The following UGT1A7 variants were observed in gnomAD, a reference collection of about 807,000 sequenced individuals.
UGT1A7 encodes UDP-glucuronosyltransferase 1A7.
In UGT1A7, 33 loss-of-function variants were observed where a neutral mutation model predicts 45.6. That is an observed-to-expected ratio of 0.72 (90% CI 0.55 to 0.97). The LOEUF (loss-of-function observed/expected upper bound fraction) is 0.97, where lower values mean the gene tolerates loss of function less well. Ranked by LOEUF, UGT1A7 falls within the 50% of genes least tolerant of loss-of-function variation. The probability of loss-of-function intolerance (pLI) is 0.00; values close to 1 mark genes in which losing one functional copy is unlikely to be tolerated. For missense variants in UGT1A7, 684 were observed against 666.2 expected, an observed-to-expected ratio of 1.03 and a Z score of -0.29; for synonymous variants, 274 against 250.6, an observed-to-expected ratio of 1.09 and a Z score of -0.88.
intron 1 of UGT1A7, among the ~76,000 whole-genome samples, chr2:233,700,349 A>C (rs201786918): frequency 6.6e-6 from 1 of 152,196 alleles, no homozygotes; most frequent in East Asian, 1.9e-4. Flanking sequence ...CCCTGTGCTT[A>C]TCTTTATGGC....
chr2:233,707,932 T>C (rs1354532365), intron 1 of UGT1A7, among the ~76,000 whole-genome samples: 6 of 152,256 alleles, frequency 3.9e-5, no homozygotes, highest in Non-Finnish European at 1.5e-5. Flanking sequence ...AATATACTTA[T>C]CAGTCATTTG....
intron 1 of UGT1A7, chr2:233,747,358 G>T: frequency 6.2e-7 from 1 of 1,603,224 alleles, no homozygotes; most frequent in African/African-American, 1.3e-5. Context: ...GAGGCCGTGC[G>T]GGAGCTCCAT....
At chr2:233,689,483 A>G (rs936155198) in intron 1 of UGT1A7, among the ~76,000 whole-genome samples, 5 of 152,240 alleles carry the variant, frequency 3.3e-5, no homozygotes, top group Admixed American at 1.3e-4. Flanking sequence ...ACAAGAAGAA[A>G]TCGCAAATCA....
intron 1 of UGT1A7, chr2:233,747,332 A>C (rs1559392073): frequency 9.4e-6 from 15 of 1,603,410 alleles, no homozygotes; most frequent in Non-Finnish European, 1.3e-5. Context: ...GATGGCAGCC[A>C]CTGGCTCGCA....
At chr2:233,691,640 G>T (rs2075050840) in intron 1 of UGT1A7, 1 of 985,538 alleles carries the variant, frequency 1.0e-6, no homozygotes, top group Non-Finnish European at 1.2e-6. Flanking sequence ...TAGCAGGCAG[G>T]GCCAGTGTGA....
intron 1 of UGT1A7, among the ~76,000 whole-genome samples, chr2:233,695,130 C>CTT (rs71398796): frequency 2.9e-5 from 4 of 138,836 alleles, no homozygotes; most frequent in Admixed American, 7.1e-5. Context: ...CTTTTCTTTT[C>CTT]TTTTTTTTTT....
At chr2:233,744,776 C>T (rs1406230141) in intron 1 of UGT1A7, among the ~76,000 whole-genome samples, 1 of 151,874 alleles carries the variant, frequency 6.6e-6, no homozygotes, top group African/African-American at 2.4e-5. Context: ...TTGCAAAATT[C>T]TCCTGAAAAA....
intron 1 of UGT1A7, among the ~76,000 whole-genome samples, chr2:233,746,488 T>C (rs978125229): frequency 6.6e-6 from 1 of 151,814 alleles, no homozygotes; most frequent in Non-Finnish European, 1.5e-5. Context: ...TCCATGGACA[T>C]GTCACTCTTT....
chr2:233,704,701 T>C (rs960587846), intron 1 of UGT1A7, among the ~76,000 whole-genome samples: 4 of 152,232 alleles, frequency 2.6e-5, no homozygotes, highest in Non-Finnish European at 5.9e-5. Flanking sequence ...TGGTATCATT[T>C]CTTAGCCCAA....
At chr2:233,726,844 C>T (rs1432960908) in intron 1 of UGT1A7, among the ~76,000 whole-genome samples, 1 of 152,154 alleles carries the variant, frequency 6.6e-6, no homozygotes, top group Admixed American at 6.5e-5. Flanking sequence ...AATTTTTGTT[C>T]CTTTTCTCCA....
Position 233,701,134 on chromosome 2 carries a change from G to C in UGT1A7, c.855+18342G>C, listed in dbSNP as rs906928223. 1.2e-4 allele frequency among the ~76,000 whole-genome samples: 19 copies of C among 152,132 alleles called. 1 individual carries two copies. The highest frequency in any genetic ancestry group is 4.6e-4 in the African/African-American group (19 of 41,418). On this transcript the variant is annotated intron_variant, in intron 1 of 4. Coordinates refer to ENST00000373426, the MANE Select transcript of UGT1A7 (RefSeq NM_019077.3). ...CAGTCTATCATTGAGGGACATTTAG[G>C]TTGGTTCCAAGTCTTTGCTATTGTG...
rs1700557199 is a variant in UGT1A7 at position 233,772,921 on chromosome 2, GT to G, written c.*366del. ...ACGGCTGCCCCTACTGCAAATGGCA[GT>G]TTTAATCTTATCTTTTGGCTTCTGC... On this transcript the variant is annotated 3_prime_UTR_variant, in exon 5 of 5. Coordinates refer to ENST00000373426, the MANE Select transcript of UGT1A7 (RefSeq NM_019077.3). 2.7e-6 allele frequency: 1 copy of G among 366,684 alleles called. No individual in the cohort carries two copies. The highest frequency in any genetic ancestry group is 2.1e-5 in the African/African-American group (1 of 47,608). 22.7% of individuals were successfully genotyped at this position (366,684 alleles called of 1,614,324 possible). A position where few individuals can be genotyped will look rare whatever the true frequency, so the allele number is the denominator to read the frequency against.
chr2:233,715,158 T>G (rs1299357923), intron 1 of UGT1A7, among the ~76,000 whole-genome samples: 2 of 152,186 alleles, frequency 1.3e-5, no homozygotes, highest in Admixed American at 6.5e-5. Context: ...AGTGCTGGAA[T>G]TACAGGCGCG....
chr2:233,682,864 T>G, intron 1 of UGT1A7, 72 bp downstream of exon 1: 2 of 1,527,656 alleles, frequency 1.3e-6, no homozygotes, highest in Non-Finnish European at 1.7e-6. Flanking sequence ...TACAGAATCA[T>G]AATTTATCAT....
rs529320907 is a variant in UGT1A7 at position 233,713,045 on chromosome 2, T to C, written c.855+30253T>C. The C allele has an allele frequency of 6.2e-6, 10 of 1,614,044 alleles. No homozygotes were observed. The Admixed American group carries it at 6.7e-5, about 11-fold the overall frequency. ...CGCAGCTGGCCACAGGACTGCTGCT[T>C]CTCCTCAGTGTCCAGCCCTGGGCTG... On this transcript the variant is annotated intron_variant, in intron 1 of 4. Coordinates refer to ENST00000373426, the MANE Select transcript of UGT1A7 (RefSeq NM_019077.3).
At chr2:233,694,570 C>A (rs1391330789) in intron 1 of UGT1A7, among the ~76,000 whole-genome samples, 1 of 152,164 alleles carries the variant, frequency 6.6e-6, no homozygotes, top group African/African-American at 2.4e-5. Context: ...TTTTAAATTT[C>A]AATGTAAATA....
chr2:233,695,475 G>C (rs1417810733), intron 1 of UGT1A7, among the ~76,000 whole-genome samples: 1 of 151,104 alleles, frequency 6.6e-6, no homozygotes, highest in Non-Finnish European at 1.5e-5. Flanking sequence ...CCCTTTAGAT[G>C]TTTTTCTCTT....
intron 1 of UGT1A7, among the ~76,000 whole-genome samples, chr2:233,688,855 T>C (rs748777417): frequency 1.3e-5 from 2 of 152,044 alleles, no homozygotes; most frequent in African/African-American, 4.8e-5. Context: ...GAGCTGATCA[T>C]AGGGGGCCTT....
chr2:233,691,144 GT>G (rs951408095), intron 1 of UGT1A7: 5 of 985,646 alleles, frequency 5.1e-6, no homozygotes, highest in Non-Finnish European at 6.0e-6. Context: ...TAGATGAACT[GT>G]TCTTTGAAGG....
Sources: gnomAD v4.1 joint callset for allele counts (sites outside exome capture counted in the v4.1 genomes callset) on GRCh38, gnomAD v4.1.1 for gene constraint, MANE v1.5 for transcripts, NCBI Gene and HGNC (gene_info 2026-07-23, HGNC 2026-07-21) for gene names.